The following OSBPL5 variants were observed in gnomAD, a reference collection of about 807,000 sequenced individuals.
OSBPL5 encodes the protein oxysterol binding protein like 5, also known as oxysterol-binding protein-related protein 5.
A neutral mutation model predicts 111.2 loss-of-function variants in OSBPL5; 71 were observed. The ratio of observed to expected loss-of-function variants is 0.64; its 90% confidence interval spans 0.53 to 0.78. The LOEUF is 0.78. Among genes scored for constraint, OSBPL5 ranks in the 30% least tolerant of loss-of-function variants. The probability of loss-of-function intolerance (pLI) is 0.00; values close to 1 mark genes in which losing one functional copy is unlikely to be tolerated. For synonymous variants in OSBPL5, 549 were observed against 513.9 expected, an observed-to-expected ratio of 1.07 and a Z score of -0.93; for missense variants, 1,210 against 1,189.3, an observed-to-expected ratio of 1.02 and a Z score of -0.26.
rs535740716 is a variant in OSBPL5 at position 3,129,661 on chromosome 11, G to A, written c.-21-492C>T. ...TGGCTGGCACGGTGTTGGGCAGTCC[G>A]GGAGCCTGGCCTGCCATCCATCTAA... On this transcript the variant is annotated intron_variant, in intron 1 of 21. Transcript: ENST00000263650. Among the ~76,000 whole-genome samples the A allele has an allele frequency of 5.3e-5, 8 of 152,290 alleles. No homozygotes were observed. In the East Asian group the frequency reaches 1.4e-3, roughly 26 times the overall value.
At chr11:3,122,240 G>A (rs1257711748) in intron 4 of OSBPL5, 108 bp downstream of exon 4, 4 of 1,354,592 alleles carry the variant, frequency 3.0e-6, no homozygotes, top group Middle Eastern at 2.4e-4. Flanking sequence ...AGGCGACCAG[G>A]TGCGGTTTGT....
chr11:3,108,567 C>T (rs902495814), intron 7 of OSBPL5, among the ~76,000 whole-genome samples: 8 of 152,106 alleles, frequency 5.3e-5, no homozygotes, highest in African/African-American at 7.2e-5. Flanking sequence ...AGGGGCTGGT[C>T]GACAGCTGGG....
chr11:3,124,984 A>G (rs928505799), intron 3 of OSBPL5, among the ~76,000 whole-genome samples: 3 of 152,156 alleles, frequency 2.0e-5, no homozygotes, highest in Non-Finnish European at 4.4e-5. Flanking sequence ...CTGCTCCCCA[A>G]CTGGGCAGGA....
intron 7 of OSBPL5, among the ~76,000 whole-genome samples, chr11:3,116,872 A>AAAAAAAT (rs1435124512): frequency 6.6e-6 from 1 of 151,332 alleles, no homozygotes; most frequent in African/African-American, 2.4e-5. Context: ...AAAAAAAAAA[A>AAAAAAAT]GAAGTGTGAA....
At position 3,107,118 on chromosome 11, in the gene OSBPL5, T is replaced by G. The variant is rs942746869; in HGVS notation, c.1059+145A>C. Reference sequence around the variant, plus strand: ...GCCTGTTTACCTAAAAGACAGCTCCTGGACTCACTGCCAAGTGATGGGGAC... The same window carrying G: ...GCCTGTTTACCTAAAAGACAGCTCCGGGACTCACTGCCAAGTGATGGGGAC... On this transcript the variant is annotated intron_variant, in intron 9 of 21. Coordinates refer to ENST00000263650, the MANE Select transcript of OSBPL5 (RefSeq NM_020896.4). This position sits in a 1 kb window ranked among gnomAD's most constrained non-coding sequence, Gnocchi z 6.1. 1 of 802,826 alleles carries G rather than the reference T, an allele frequency of 1.2e-6. No homozygotes were observed. The highest frequency in any genetic ancestry group is 1.9e-6 in the Non-Finnish European group (1 of 519,620). The allele number at this position is 802,826 out of a possible 1,614,324, so 49.7% of individuals were successfully genotyped here.
intron 10 of OSBPL5, among the ~76,000 whole-genome samples, chr11:3,103,848 T>TTCCTGCCTCTGCAGCCCTC (rs1230373198): frequency 1.8e-4 from 10 of 55,134 alleles, no homozygotes; most frequent in Non-Finnish European, 2.6e-4. Context: ...CTGCAGCCCC[T>TTCCTGCCTCTGCAGCCCTC]TTCCAGTCTG....
At chr11:3,118,468 A>G (rs1292224196) in intron 7 of OSBPL5, among the ~76,000 whole-genome samples, 1 of 152,182 alleles carries the variant, frequency 6.6e-6, no homozygotes, top group African/African-American at 2.4e-5. Flanking sequence ...ATCTCCCTAA[A>G]ATGTATAAAA....
chr11:3,091,525 G>C (rs1857054130), intron 19 of OSBPL5, among the ~76,000 whole-genome samples: 1 of 152,140 alleles, frequency 6.6e-6, no homozygotes, highest in African/African-American at 2.4e-5. Context: ...GAGGGCATTG[G>C]GGGTGGACAT....
In OSBPL5 at chr11:3,127,501, C is replaced by T. The variant is rs548185574; in HGVS notation, c.137-946G>A. Among the ~76,000 whole-genome samples, 71 of 152,278 alleles carry T rather than the reference C, an allele frequency of 4.7e-4. 1 individual carries two copies. The highest frequency in any genetic ancestry group is 1.6e-3 in the African/African-American group (68 of 41,554). On this transcript the variant is annotated intron_variant, in intron 2 of 21. Transcript: ENST00000263650. ...GTGGTTCTGTCCAAAGGTCCTGGAC[C>T]GTGGCCACTCACAGTCACAGAACAT...
Position 3,092,298 on chromosome 11 carries a change from A to T in OSBPL5, c.2259+134T>A. ...CATGCTCGGCAGAGAAGGAAAGGGG[A>T]CGAGGGGGCTGGGGGATGAGGGCGT... On this transcript the variant is annotated intron_variant, in intron 19 of 21. Transcript: ENST00000263650. This position sits in a 1 kb window ranked among gnomAD's most constrained non-coding sequence, Gnocchi z 5.4. 8.0e-7 allele frequency: 1 copy of T among 1,243,668 alleles called. No homozygotes were observed. 77.0% of individuals were successfully genotyped at this position (1,243,668 alleles called of 1,614,324 possible).
At chr11:3,103,768 C>T (rs1411589208) in intron 10 of OSBPL5, among the ~76,000 whole-genome samples, 3,016 of 85,508 alleles carry the variant, frequency 0.035, 120 homozygotes, top group African/African-American at 0.074. Context: ...TCTGCAGCCC[C>T]CTTCCAGCCT....
In OSBPL5 at chr11:3,094,330, G is replaced by T; in HGVS notation, c.1626C>A (p.Ile542=). 6.2e-7 allele frequency: 1 copy of T among 1,613,294 alleles called. No homozygotes were observed. Among genetic ancestry groups the T allele is most frequent in the South Asian group, 1.1e-5 (1 of 91,078 alleles). ...GCTCCAGGGTCATCGTGCCATACAG[G>T]ATTCCTGAAATGCAGCCAGTGTCAG... is the stretch of plus-strand genomic sequence containing the variant. ...LTMPYAHCKG[I]LYGTMTLELG... is the part of the protein sequence containing the mutation. Residue 542 remains isoleucine (I), a synonymous_variant, in exon 15 of 22, where the codon ATC becomes ATA. Coordinates refer to ENST00000263650, the MANE Select transcript of OSBPL5 (RefSeq NM_020896.4).
Position 3,101,068 on chromosome 11 carries a change from G to A in OSBPL5, c.1522+535C>T, listed in dbSNP as rs1430568683. 4.0e-5 allele frequency among the ~76,000 whole-genome samples: 6 copies of A among 148,790 alleles called. No individual in the cohort carries two copies. The East Asian group carries it at 6.1e-4, about 15-fold the overall frequency. ...TGGCTCACTGCAACCTCCACCTCCC[G>A]GGTTCAAGCGATTCTCCTGCCTCAG... On this transcript the variant is annotated intron_variant, in intron 13 of 21. Transcript: ENST00000263650.
At chr11:3,150,074 C>A (rs1203806696) in intron 1 of OSBPL5, among the ~76,000 whole-genome samples, 1 of 152,150 alleles carries the variant, frequency 6.6e-6, no homozygotes, top group Admixed American at 6.5e-5. Flanking sequence ...ACACACACAG[C>A]AAATCAGGAT....
chr11:3,156,170 C>T (rs1426724946), intron 1 of OSBPL5, among the ~76,000 whole-genome samples: 1 of 152,012 alleles, frequency 6.6e-6, no homozygotes, highest in Non-Finnish European at 1.5e-5. Flanking sequence ...GCTGCTGACC[C>T]CACCCCAGGT....
At chr11:3,120,389 CCT>C (rs1188346780) in intron 6 of OSBPL5, 30 bp downstream of exon 6, 5 of 1,595,058 alleles carry the variant, frequency 3.1e-6, no homozygotes, top group African/African-American at 1.3e-5. Context: ...CCCTACGGGG[CCT>C]CTGTCTTCAA....
intron 11 of OSBPL5, 52 bp downstream of exon 11, chr11:3,103,187 C>T: frequency 6.6e-7 from 1 of 1,507,390 alleles, no homozygotes. Flanking sequence ...GAGGGCTGAG[C>T]AGACAGACTC....
At chr11:3,089,299 C>A (rs1244188065) in intron 21 of OSBPL5, among the ~76,000 whole-genome samples, 1 of 152,226 alleles carries the variant, frequency 6.6e-6, no homozygotes, top group Non-Finnish European at 1.5e-5. Flanking sequence ...GCCAGTGAGA[C>A]CCTCAGCCTG....
rs1302624840 is a variant in OSBPL5, at chr11:3,092,934, T to A, written c.2065A>T (p.Met689Leu). The change falls in exon 18 of 22, where the codon ATG (methionine) becomes TTG (leucine). Residue 689 changes from methionine to leucine, a missense_variant. Transcript: ENST00000263650. This position sits in a 1 kb window ranked among gnomAD's most constrained non-coding sequence, Gnocchi z 5.4. ...QRARERQESL[M>L]PWKPQLFHLD... Reference sequence around the variant, plus strand: ...TGGAACAGCTGCGGCTTCCAGGGCATGAGGCTCTCCTGCCGCTCACGGGCC... The same window carrying A: ...TGGAACAGCTGCGGCTTCCAGGGCAAGAGGCTCTCCTGCCGCTCACGGGCC... 1.3e-6 allele frequency: 2 copies of A among 1,576,650 alleles called. No individual in the cohort carries two copies. Among genetic ancestry groups the A allele is most frequent in the Admixed American group, 3.7e-5 (2 of 53,458 alleles).
Sources: gnomAD v4.1 joint callset for allele counts (sites outside exome capture counted in the v4.1 genomes callset) on GRCh38, gnomAD v4.1.1 for gene constraint, Gnocchi (gnomAD v3.1) non-coding constraint, MANE v1.5 for transcripts, NCBI Gene and HGNC (gene_info 2026-07-23, HGNC 2026-07-21) for gene names.